SLC9A9: variants seen among roughly 807,000 people sequenced by gnomAD.
The protein encoded by SLC9A9 is sodium/hydrogen exchanger 9.
A neutral mutation model predicts 77.8 loss-of-function variants in SLC9A9; 62 were observed. The observed-to-expected ratio is 0.80, with a 90% CI of 0.65 to 0.98. SLC9A9 has a LOEUF of 0.98. Ranked by LOEUF, SLC9A9 falls within the 50% of genes least tolerant of loss-of-function variation. The probability of loss-of-function intolerance (pLI) is 0.00; values close to 1 mark genes in which losing one functional copy is unlikely to be tolerated. For synonymous variants in SLC9A9, 320 were observed against 283.5 expected (o/e 1.13, Z -1.29); for missense variants, 775 against 774.9 (o/e 1.00, Z 0.00).
chr3:143,333,635 G>T (rs1261854997), intron 14 of SLC9A9, among the ~76,000 whole-genome samples: 1 of 151,682 alleles, frequency 6.6e-6, no homozygotes, highest in Non-Finnish European at 1.5e-5. Context: ...GAGCCACATG[G>T]CTTGCCTAGC....
intron 12 of SLC9A9, among the ~76,000 whole-genome samples, chr3:143,407,441 G>GA (rs371477400): frequency 4.6e-5 from 7 of 151,106 alleles, no homozygotes; most frequent in Admixed American, 2.6e-4. Flanking sequence ...ACAATTCTAA[G>GA]AAAAAAAAGA....
intron 14 of SLC9A9, chr3:143,343,501 T>C (rs902124780): frequency 6.6e-6 from 1 of 152,178 alleles, no homozygotes; most frequent in African/African-American, 2.4e-5. Context: ...GGTTTCCTAA[T>C]GTGGTCTTGG....
At chr3:143,491,236 T>C (rs1675641679) in intron 11 of SLC9A9, among the ~76,000 whole-genome samples, 1 of 152,192 alleles carries the variant, frequency 6.6e-6, no homozygotes, top group Non-Finnish European at 1.5e-5. Context: ...TGATAGGAAC[T>C]GGCTGATTGG....
intron 9 of SLC9A9, among the ~76,000 whole-genome samples, chr3:143,513,626 C>G (rs57849310): frequency 0.02 from 3,091 of 152,222 alleles, 99 homozygotes; most frequent in African/African-American, 0.069. Flanking sequence ...TATACTTGCC[C>G]AGATCCATCA....
intron 12 of SLC9A9, among the ~76,000 whole-genome samples, chr3:143,466,808 G>C (rs2035287343): frequency 6.6e-6 from 1 of 152,118 alleles, no homozygotes; most frequent in South Asian, 2.1e-4. Context: ...TAAATTTCTA[G>C]GGACAGACTA....
intron 4 of SLC9A9, among the ~76,000 whole-genome samples, chr3:143,780,655 T>C (rs1371483594): frequency 6.6e-6 from 1 of 152,198 alleles, no homozygotes; most frequent in Non-Finnish European, 1.5e-5. Context: ...GGAGCCACCA[T>C]ATGATGCTAA....
chr3:143,625,014 A>G (rs1316903529), intron 6 of SLC9A9, among the ~76,000 whole-genome samples: 1 of 152,244 alleles, frequency 6.6e-6, no homozygotes, highest in East Asian at 1.9e-4. Context: ...CCCATTCACA[A>G]TTGCTTCAAA....
chr3:143,299,172 G>A (rs922873982), intron 14 of SLC9A9, among the ~76,000 whole-genome samples: 1 of 152,114 alleles, frequency 6.6e-6, no homozygotes, highest in Non-Finnish European at 1.5e-5. Context: ...TTATCTGTTA[G>A]CCATCATTTA....
intron 5 of SLC9A9, among the ~76,000 whole-genome samples, chr3:143,672,489 T>A (rs2039173310): frequency 1.3e-5 from 2 of 152,204 alleles, no homozygotes; most frequent in Admixed American, 1.3e-4. Context: ...ATTATGCCAA[T>A]GTGAGTAATC....
chr3:143,437,330 C>T (rs1316554323), intron 12 of SLC9A9, among the ~76,000 whole-genome samples: 1 of 152,214 alleles, frequency 6.6e-6, no homozygotes, highest in Non-Finnish European at 1.5e-5. Context: ...CTTGCAAGCC[C>T]TCTCCCCTCA....
At chr3:143,837,969 T>C (rs1447714644) in intron 1 of SLC9A9, among the ~76,000 whole-genome samples, 4 of 152,218 alleles carry the variant, frequency 2.6e-5, no homozygotes, top group African/African-American at 9.6e-5. Context: ...ACCTTGGTTT[T>C]TGATGACAAC....
At chr3:143,303,550 A>G (rs1273785269) in intron 14 of SLC9A9, among the ~76,000 whole-genome samples, 1 of 152,166 alleles carries the variant, frequency 6.6e-6, no homozygotes, top group African/African-American at 2.4e-5. Context: ...CTAGGTAGGA[A>G]GGGCCAGGTG....
intron 6 of SLC9A9, among the ~76,000 whole-genome samples, chr3:143,637,529 C>G (rs73005531): frequency 6.6e-6 from 1 of 152,034 alleles, no homozygotes; most frequent in African/African-American, 2.4e-5. Flanking sequence ...CAGCTTATCC[C>G]TGTTTTGTAG....
intron 14 of SLC9A9, among the ~76,000 whole-genome samples, chr3:143,302,539 G>A (rs994982852): frequency 5.3e-5 from 8 of 152,232 alleles, no homozygotes; most frequent in Middle Eastern, 3.4e-3. Flanking sequence ...GTGGAGTGGC[G>A]GGGAGGAGGA....
At chr3:143,311,500 G>C (rs1578284339) in intron 14 of SLC9A9, among the ~76,000 whole-genome samples, 1 of 152,298 alleles carries the variant, frequency 6.6e-6, no homozygotes. Context: ...TTCTCTAGGA[G>C]CCAGGTAAAA....
At chr3:143,284,962 T>C (rs931631659) in intron 14 of SLC9A9, among the ~76,000 whole-genome samples, 12 of 152,166 alleles carry the variant, frequency 7.9e-5, no homozygotes, top group Admixed American at 6.5e-4. Context: ...ATATCACAAA[T>C]GGGGCTAGGG....
At chr3:143,718,793 C>T (rs538112354) in intron 4 of SLC9A9, among the ~76,000 whole-genome samples, 17 of 152,316 alleles carry the variant, frequency 1.1e-4, no homozygotes, top group Non-Finnish European at 1.8e-4. Flanking sequence ...TCATGAATTC[C>T]ATTCCTTTAG....
rs113638149 is a variant in SLC9A9, at chr3:143,526,964, C to T, written c.1089+25398G>A. Among the ~76,000 whole-genome samples, 902 of 152,242 alleles carry T rather than the reference C, an allele frequency of 5.9e-3. 5 individuals are homozygous for T. Among genetic ancestry groups the T allele is most frequent in the African/African-American group, 0.02 (827 of 41,542 alleles). ...ACTATATATAGATAAGTGTGACATTCGTTTAAAGCCGATCTGCCCTGTGAG... is the reference window on the plus strand; with the variant it reads ...ACTATATATAGATAAGTGTGACATTTGTTTAAAGCCGATCTGCCCTGTGAG... On this transcript the variant is annotated intron_variant, in intron 9 of 15. Coordinates refer to ENST00000316549, the MANE Select transcript of SLC9A9 (RefSeq NM_173653.4).
intron 1 of SLC9A9, among the ~76,000 whole-genome samples, chr3:143,843,693 G>C (rs1033267275): frequency 2.6e-5 from 4 of 152,148 alleles, no homozygotes; most frequent in Non-Finnish European, 5.9e-5. Flanking sequence ...GATTATAAAT[G>C]TCCTGTAAAG....
Sources: allele counts gnomAD v4.1 joint callset (sites outside exome capture counted in the v4.1 genomes callset), GRCh38; gene constraint gnomAD v4.1.1; transcripts MANE v1.5; gene names NCBI Gene and HGNC (gene_info 2026-07-23, HGNC 2026-07-21).